Variants in THUMPD2 observed in about 807,000 individuals in gnomAD.
THUMPD2 encodes the protein THUMP domain 2 tRNA and snRNA guanosine methyltransferase.
In THUMPD2, 56 loss-of-function variants were observed where a neutral mutation model predicts 49.4. The observed-to-expected ratio is 1.13, with a 90% confidence interval of 0.91 to 1.41. The LOEUF is 1.41. Among genes scored for constraint, THUMPD2 ranks in the 40% most tolerant of loss-of-function variants. The pLI is 0.00. For synonymous variants in THUMPD2, 237 were observed against 205.2 expected (o/e 1.15, Z -1.32); for missense variants, 709 against 594.5 (o/e 1.19, Z -2.00).
At position 39,746,636 on chromosome 2, in the gene THUMPD2, GA is replaced by G. The variant is rs199682353; in HGVS notation, c.1079-2159del. 8.2e-3 allele frequency among the ~76,000 whole-genome samples: 1,238 copies of G among 151,122 alleles called. 16 individuals are homozygous for G. Among genetic ancestry groups the G allele is most frequent in the African/African-American group, 0.027 (1,124 of 41,232 alleles). On this transcript the variant is annotated intron_variant, in intron 8 of 9. Coordinates refer to ENST00000505747, the MANE Select transcript of THUMPD2 (RefSeq NM_025264.5). ...TCTCTGCAGGATGATTCAAGAACAT[GA>G]AAAAAAAATTTAGTTTTAAAATACC...
chr2:39,750,515 T>C (rs1675255820), intron 8 of THUMPD2, among the ~76,000 whole-genome samples: 1 of 152,166 alleles, frequency 6.6e-6, no homozygotes, highest in African/African-American at 2.4e-5. Context: ...GCGACCAGCC[T>C]GGGCAACATG....
intron 3 of THUMPD2, chr2:39,768,970 T>C (rs940038339): frequency 2.0e-5 from 26 of 1,304,386 alleles, no homozygotes; most frequent in African/African-American, 3.0e-5. Context: ...TCACTGAACT[T>C]TGTAAGGGCC....
At chr2:39,765,973 T>A in intron 5 of THUMPD2, 84 bp downstream of exon 5, 5 of 1,059,830 alleles carry the variant, frequency 4.7e-6, no homozygotes, top group Non-Finnish European at 7.0e-6. Context: ...ATATGAATGC[T>A]TCATTCATGC....
In THUMPD2 at chr2:39,756,620, G is replaced by A. The variant is rs114292904; in HGVS notation, c.892-660C>T. ...CCCGTGGGGTTAAAGATTTGTGTTCGGGTAGCAGAGGAAGTGAACAGGAAA... is the reference window on the plus strand; with the variant it reads ...CCCGTGGGGTTAAAGATTTGTGTTCAGGTAGCAGAGGAAGTGAACAGGAAA... On this transcript the variant is annotated intron_variant, in intron 6 of 9. Transcript: ENST00000505747. 9.0e-3 allele frequency among the ~76,000 whole-genome samples: 1,371 copies of A among 152,184 alleles called. 11 individuals carry two copies. Among genetic ancestry groups the A allele is most frequent in the Admixed American group, 0.014 (209 of 15,284 alleles).
At chr2:39,768,998 GA>G (rs1558533160) in intron 3 of THUMPD2, 1 of 1,304,650 alleles carries the variant, frequency 7.7e-7, no homozygotes, top group Non-Finnish European at 1.0e-6. Context: ...GAGGTCTGGT[GA>G]TGGCAACAGT....
intron 8 of THUMPD2, among the ~76,000 whole-genome samples, chr2:39,752,416 A>G (rs1351011117): frequency 6.6e-6 from 1 of 152,234 alleles, no homozygotes; most frequent in Non-Finnish European, 1.5e-5. Context: ...AAAAGGCATG[A>G]GATCCCTTAA....
intron 5 of THUMPD2, among the ~76,000 whole-genome samples, chr2:39,761,999 G>A (rs1676881894): frequency 6.6e-6 from 1 of 152,158 alleles, no homozygotes; most frequent in Admixed American, 6.5e-5. Flanking sequence ...TCTCCAAAAA[G>A]CATCAGTTCA....
rs1679504528 is a variant in THUMPD2 at position 39,779,012 on chromosome 2, A to G, written c.126+102T>C. 1.8e-5 allele frequency: 24 copies of G among 1,328,044 alleles called. No individual in the cohort carries two copies. In the South Asian group the frequency reaches 4.2e-4, roughly 23 times the overall value. The allele number at this position is 1,328,044 out of a possible 1,614,324, so 82.3% of individuals were successfully genotyped here. ...GGTCGGCGACCGTCGCGTGGAACAG[A>G]GAGGGGCGCCAGCGACGCTTTCCCG... is the stretch of plus-strand genomic sequence containing the variant. On this transcript the variant is annotated intron_variant, in intron 1 of 9. Coordinates refer to ENST00000505747, the MANE Select transcript of THUMPD2 (RefSeq NM_025264.5).
chr2:39,775,703 C>T (rs1678990536), intron 1 of THUMPD2, among the ~76,000 whole-genome samples: 1 of 132,964 alleles, frequency 7.5e-6, no homozygotes, highest in South Asian at 2.3e-4. Flanking sequence ...GCGGAGGTTG[C>T]AGTGAGCCAA....
chr2:39,744,791 A>T (rs1674351808), intron 8 of THUMPD2: 1 of 174,610 alleles, frequency 5.7e-6, no homozygotes, highest in Non-Finnish European at 1.2e-5. Flanking sequence ...TGCTAGCTCC[A>T]CTAAATTGCC....
intron 6 of THUMPD2, among the ~76,000 whole-genome samples, chr2:39,760,730 A>C (rs912085074): frequency 6.6e-6 from 1 of 152,206 alleles, no homozygotes; most frequent in African/African-American, 2.4e-5. Context: ...ACTTAAATTT[A>C]AACTTAACCA....
chr2:39,744,681 T>C (rs747852304), intron 8 of THUMPD2: 12 of 353,690 alleles, frequency 3.4e-5, no homozygotes, highest in Non-Finnish European at 5.1e-5. Context: ...ATTCTGTTCG[T>C]TGAAAATTGG....
At chr2:39,743,445 G>A (rs74388647) in intron 9 of THUMPD2, among the ~76,000 whole-genome samples, 4,191 of 152,260 alleles carry the variant, frequency 0.028, 185 homozygotes, top group African/African-American at 0.095. Context: ...TCATTTCAGA[G>A]CTGCTATAGT....
Position 39,765,914 on chromosome 2 carries a change from AT to A in THUMPD2, c.803+142del. 9 of 689,444 alleles carry A rather than the reference AT, an allele frequency of 1.3e-5. No individual in the cohort carries two copies. The South Asian group carries it at 1.5e-4, about 12-fold the overall frequency. 42.7% of individuals were successfully genotyped at this position (689,444 alleles called of 1,614,324 possible). A position where few individuals can be genotyped will look rare whatever the true frequency, so the allele number is the denominator to read the frequency against. ...CCACTAAGTTCCGTGAAAATACTTT[AT>A]TGTCTTAAGCAAAGAATTCAAATGC... On this transcript the variant is annotated intron_variant, in intron 5 of 9. Transcript: ENST00000505747.
intron 9 of THUMPD2, among the ~76,000 whole-genome samples, chr2:39,738,499 G>A (rs1195695180): frequency 6.6e-6 from 1 of 151,852 alleles, no homozygotes; most frequent in African/African-American, 2.4e-5. Flanking sequence ...AGGGGGCAGA[G>A]GTTGCAGTGA....
intron 8 of THUMPD2, among the ~76,000 whole-genome samples, chr2:39,745,446 CT>C (rs1443564716): frequency 6.6e-6 from 1 of 152,116 alleles, no homozygotes; most frequent in Non-Finnish European, 1.5e-5. Flanking sequence ...ACAGGAATTC[CT>C]TTTTTCCAAG....
At chr2:39,777,855 G>C (rs1374906321) in intron 1 of THUMPD2, among the ~76,000 whole-genome samples, 3 of 152,164 alleles carry the variant, frequency 2.0e-5, no homozygotes, top group Admixed American at 6.5e-5. Flanking sequence ...AGAACAAGCA[G>C]AGAGTCTTTC....
intron 3 of THUMPD2, chr2:39,768,964 T>G (rs1177710377): frequency 7.7e-7 from 1 of 1,304,510 alleles, no homozygotes; most frequent in East Asian, 5.5e-5. Context: ...TTAACATCAC[T>G]GAACTTTGTA....
At chr2:39,750,688 C>A (rs1017461415) in intron 8 of THUMPD2, among the ~76,000 whole-genome samples, 7 of 147,518 alleles carry the variant, frequency 4.7e-5, no homozygotes, top group African/African-American at 1.8e-4. Flanking sequence ...GCCTGGGCAA[C>A]AGGGCAAGAC....
Sources: allele counts gnomAD v4.1 joint callset (sites outside exome capture counted in the v4.1 genomes callset), GRCh38; gene constraint gnomAD v4.1.1; transcripts MANE v1.5; gene names NCBI Gene and HGNC (gene_info 2026-07-23, HGNC 2026-07-21).